LRRC37A2: variants seen among roughly 807,000 people sequenced by gnomAD.
LRRC37A2 encodes leucine rich repeat containing 37 member A2.
Under a neutral mutation model 68.8 loss-of-function variants are expected in LRRC37A2, and 9 were observed. The ratio of observed to expected loss-of-function variants is 0.13; its 90% CI spans 0.08 to 0.23. LRRC37A2 has a LOEUF of 0.23. Among genes scored for constraint, LRRC37A2 ranks in the 10% least tolerant of loss-of-function variants. The probability of loss-of-function intolerance (pLI) is 1.00; values close to 1 mark genes in which losing one functional copy is unlikely to be tolerated. For synonymous variants in LRRC37A2, 63 were observed against 367.6 expected (o/e 0.17, Z 9.48); for missense variants, 168 against 950.4 (o/e 0.18, Z 10.82).
chr17:46,714,153 A>G, the LRRC37A2 span, among the ~76,000 whole-genome samples: 19 of 152,094 alleles, frequency 1.2e-4, no homozygotes, highest in Admixed American at 1.2e-3. Context: ...ACTGTTTTAG[A>G]TTTTCTAACT....
At chr17:46,575,050 C>G in the LRRC37A2 span, among the ~76,000 whole-genome samples, 1 of 81,192 alleles carries the variant, frequency 1.2e-5, no homozygotes, top group African/African-American at 3.8e-5. Context: ...GAGCCGAGAT[C>G]GCGCCACTGT....
the LRRC37A2 span, among the ~76,000 whole-genome samples, chr17:46,720,880 C>T: frequency 6.6e-6 from 1 of 152,176 alleles, no homozygotes. Flanking sequence ...TGAGAGCATG[C>T]TTGTTGTGGC....
At chr17:46,437,706 G>A in the LRRC37A2 span, among the ~76,000 whole-genome samples, 1 of 150,748 alleles carries the variant, frequency 6.6e-6, no homozygotes, top group Admixed American at 6.6e-5. Flanking sequence ...TTTTTTAAGT[G>A]CTTTGATTTT....
At chr17:46,780,054 G>T in the LRRC37A2 span, among the ~76,000 whole-genome samples, 2 of 152,182 alleles carry the variant, frequency 1.3e-5, no homozygotes, top group Non-Finnish European at 2.9e-5. Flanking sequence ...ACCATGCCTG[G>T]CCATAGAGAA....
chr17:46,742,521 A>AT, the LRRC37A2 span, among the ~76,000 whole-genome samples: 2 of 152,236 alleles, frequency 1.3e-5, no homozygotes, highest in African/African-American at 4.8e-5. Context: ...TATAGTAAGT[A>AT]TATAGTATGT....
the LRRC37A2 span, chr17:46,936,245 C>T: frequency 2.0e-4 from 197 of 985,316 alleles, no homozygotes; most frequent in Non-Finnish European, 2.2e-4. Context: ...TGCTACTCTC[C>T]TTTTCATATC....
At chr17:46,795,441 G>T in the LRRC37A2 span, among the ~76,000 whole-genome samples, 2 of 152,074 alleles carry the variant, frequency 1.3e-5, no homozygotes, top group Non-Finnish European at 2.9e-5. Flanking sequence ...AAGACCAGCC[G>T]GCCCGTGGGC....
the LRRC37A2 span, among the ~76,000 whole-genome samples, chr17:46,817,861 A>T: frequency 9.2e-5 from 14 of 152,102 alleles, no homozygotes; most frequent in South Asian, 2.1e-4. Flanking sequence ...GCCAGGGTGG[A>T]CAAGCAAGAA....
the LRRC37A2 span, among the ~76,000 whole-genome samples, chr17:46,724,337 A>G: frequency 6.6e-6 from 1 of 152,154 alleles, no homozygotes; most frequent in Non-Finnish European, 1.5e-5. Flanking sequence ...TTACACTACT[A>G]TATCTCCGTC....
chr17:46,722,850 C>T, the LRRC37A2 span, among the ~76,000 whole-genome samples: 1 of 152,302 alleles, frequency 6.6e-6, no homozygotes, highest in South Asian at 2.1e-4. Context: ...AGTCAAGTTA[C>T]AACTGGAATT....
chr17:46,841,812 C>T, the LRRC37A2 span, among the ~76,000 whole-genome samples: 1 of 152,252 alleles, frequency 6.6e-6, no homozygotes, highest in African/African-American at 2.4e-5. Context: ...GCAACCACGT[C>T]CTCCTCTGAG....
the LRRC37A2 span, among the ~76,000 whole-genome samples, chr17:46,745,761 C>T: frequency 2.0e-5 from 3 of 152,132 alleles, no homozygotes; most frequent in African/African-American, 7.2e-5. Context: ...CATCTGTTAG[C>T]CTTTAGGGCT....
chr17:47,000,048 T>TAA, the LRRC37A2 span, among the ~76,000 whole-genome samples: 4 of 27,852 alleles, frequency 1.4e-4, no homozygotes, highest in East Asian at 0.03. Flanking sequence ...TAAAATAAAA[T>TAA]AAAATAAAAT....
chr17:46,891,342 T>C, the LRRC37A2 span, among the ~76,000 whole-genome samples: 1 of 152,170 alleles, frequency 6.6e-6, no homozygotes, highest in Non-Finnish European at 1.5e-5. Flanking sequence ...ATAAGGAAAC[T>C]GAGGCTCAGA....
the LRRC37A2 span, chr17:46,935,110 C>T: frequency 6.2e-7 from 1 of 1,613,758 alleles, no homozygotes; most frequent in Admixed American, 1.7e-5. Flanking sequence ...CATGGATGAC[C>T]TCATTTTAGA....
chr17:46,982,248 C>G, the LRRC37A2 span, among the ~76,000 whole-genome samples: 2 of 152,160 alleles, frequency 1.3e-5, no homozygotes, highest in Non-Finnish European at 2.9e-5. Context: ...GAGAAATGCT[C>G]AGTTATATCC....
At chr17:46,927,720 G>T in the LRRC37A2 span, among the ~76,000 whole-genome samples, 1 of 152,194 alleles carries the variant, frequency 6.6e-6, no homozygotes, top group South Asian at 2.1e-4. Flanking sequence ...GCCTTTCCTT[G>T]TCTGTCTGCA....
chr17:46,555,933 CAG>C (rs2057249100), downstream of LRRC37A2: 2 of 130,958 alleles, frequency 1.5e-5, no homozygotes, highest in South Asian at 2.8e-4. Context: ...CCTGAGGAGA[CAG>C]TGTGGGACAG....
chr17:46,939,598 A>G, the LRRC37A2 span: 1 of 985,442 alleles, frequency 1.0e-6, no homozygotes, highest in Non-Finnish European at 1.2e-6. Context: ...TTCCAATTAC[A>G]GTCTCAGCTC....
Sources: allele counts gnomAD v4.1 joint callset (sites outside exome capture counted in the v4.1 genomes callset), GRCh38; gene constraint gnomAD v4.1.1; transcripts MANE v1.5; gene names NCBI Gene and HGNC (gene_info 2026-07-23, HGNC 2026-07-21).